The following XPO5 variants were observed in gnomAD, a reference collection of about 807,000 sequenced individuals.
XPO5 encodes the protein exportin 5, also known as exportin-5.
Under a neutral mutation model 160.6 loss-of-function variants are expected in XPO5, and 46 were observed. The observed-to-expected ratio is 0.29, with a 90% confidence interval of 0.23 to 0.37. XPO5 has a LOEUF of 0.37. XPO5 is among the 10% of genes least tolerant of loss of function. XPO5 has a pLI of 1.00. For missense variants in XPO5, 1,090 were observed against 1,463.9 expected, an observed-to-expected ratio of 0.74 and a Z score of 4.17; for synonymous variants, 537 against 519.3, an observed-to-expected ratio of 1.03 and a Z score of -0.46.
At chr6:43,567,573 T>C (rs1762758797) in intron 6 of XPO5, among the ~76,000 whole-genome samples, 1 of 152,136 alleles carries the variant, frequency 6.6e-6, no homozygotes, top group African/African-American at 2.4e-5. Flanking sequence ...ATTTTATCTT[T>C]TTCACAAAAC....
chr6:43,533,336 C>T (rs901955375), intron 21 of XPO5: 2 of 152,476 alleles, frequency 1.3e-5, no homozygotes, highest in African/African-American at 2.4e-5. Context: ...ATGGCTGTAA[C>T]ACCCACCACA....
At chr6:43,528,318 T>C in intron 24 of XPO5, 113 bp from the exon 25 acceptor site, 1 of 1,104,386 alleles carries the variant, frequency 9.1e-7, no homozygotes, top group Non-Finnish European at 1.3e-6. Context: ...ATTCTAGGCA[T>C]CAATGACAAC....
chr6:43,532,962 T>C (rs551753065), intron 21 of XPO5, among the ~76,000 whole-genome samples: 46 of 152,034 alleles, frequency 3.0e-4, no homozygotes, highest in Non-Finnish European at 6.2e-4. Flanking sequence ...CTAGCCAACA[T>C]GGTGAAACCC....
chr6:43,570,100 C>G (rs1291615490), intron 5 of XPO5, among the ~76,000 whole-genome samples: 1 of 142,220 alleles, frequency 7.0e-6, no homozygotes, highest in African/African-American at 2.6e-5. Context: ...ATCATGAGGT[C>G]AGGAGATCAA....
intron 20 of XPO5, 41 bp downstream of exon 20, chr6:43,546,530 A>G: frequency 1.3e-6 from 2 of 1,562,160 alleles, no homozygotes; most frequent in Non-Finnish European, 1.7e-6. Context: ...TTTTTAAGGT[A>G]AAGTAGAAAA....
In XPO5 at chr6:43,555,855, A is replaced by G. The variant is rs1182962166; in HGVS notation, c.1422T>C (p.Leu474=). The change falls in exon 13 of 32, where the codon CTT becomes CTC. Residue 474 remains leucine, a synonymous_variant. Transcript: ENST00000265351. The part of the protein sequence containing the change: ...EWLKYQLSTF[L]DAGSVNSCSA... Reference sequence around the variant, plus strand: ...ACTTACAATTCACAGAACCAGCATCAAGAAAAGTTGATAGTTGATACTTTA... The same window carrying G: ...ACTTACAATTCACAGAACCAGCATCGAGAAAAGTTGATAGTTGATACTTTA... The G allele has an allele frequency of 1.2e-6, 2 of 1,613,832 alleles. No homozygotes were observed. Among genetic ancestry groups the G allele is most frequent in the African/African-American group, 2.7e-5 (2 of 74,924 alleles).
At chr6:43,538,756 GA>G (rs1794505534) in intron 20 of XPO5, 3 of 582,570 alleles carry the variant, frequency 5.1e-6, no homozygotes, top group Non-Finnish European at 8.7e-6. Context: ...ATGAGTTATG[GA>G]GCACTACATT....
chr6:43,562,402 A>G, intron 8 of XPO5, 56 bp from the exon 9 acceptor site: 1 of 1,280,084 alleles, frequency 7.8e-7, no homozygotes, highest in South Asian at 1.3e-5. Flanking sequence ...TGTAATAAAA[A>G]CATCACTTTG....
chr6:43,554,106 TTTTC>T (rs796924476), intron 13 of XPO5, among the ~76,000 whole-genome samples: 11 of 152,178 alleles, frequency 7.2e-5, no homozygotes, highest in African/African-American at 2.6e-4. Context: ...TACCAACTGC[TTTTC>T]TTTTTTTGTT....
In XPO5 at chr6:43,575,541, G is replaced by A. The variant is rs112719832; in HGVS notation, c.105+219C>T. 0.033 allele frequency among the ~76,000 whole-genome samples: 4,996 copies of A among 152,304 alleles called. 266 individuals carry two copies. Among genetic ancestry groups the A allele is most frequent in the African/African-American group, 0.11 (4,622 of 41,544 alleles). On this transcript the variant is annotated intron_variant, in intron 1 of 31. Coordinates refer to ENST00000265351, the MANE Select transcript of XPO5 (RefSeq NM_020750.3). ...CTGCGGCGAGATGAGAAGCAGCATA[G>A]GGACCGGAGTGTCCCAGGCAAAGGA...
intron 26 of XPO5, chr6:43,527,374 C>T (rs559543399): frequency 7.1e-5 from 21 of 296,332 alleles, no homozygotes; most frequent in East Asian, 3.9e-4. Flanking sequence ...CGGGTTCAAG[C>T]GATTCTCCTA....
chr6:43,526,520 G>A (rs1278176685), intron 27 of XPO5, 165 bp downstream of exon 27: 2 of 703,992 alleles, frequency 2.8e-6, no homozygotes, highest in Admixed American at 4.5e-5. Context: ...AAGGCTTGGA[G>A]GTGGGAGTAT....
chr6:43,524,756 A>G (rs191967658), intron 30 of XPO5, 75 bp downstream of exon 30: 2 of 1,592,870 alleles, frequency 1.3e-6, no homozygotes, highest in East Asian at 4.5e-5. Flanking sequence ...TGAATTTAGG[A>G]TAAGGCCCAA....
intron 5 of XPO5, among the ~76,000 whole-genome samples, 177 bp downstream of exon 5, chr6:43,570,311 CAAAAAAAAAAAAAA>C (rs70990200): frequency 1.8e-3 from 137 of 77,196 alleles, no homozygotes; most frequent in African/African-American, 5.8e-3. Flanking sequence ...GCCTCCGTCT[CAAAAAAAAAAAAAA>C]AAAAAAAAGA....
rs369463612 is a variant in XPO5, at chr6:43,551,638, C to T, written c.1573-185G>A. 3.2e-4 allele frequency among the ~76,000 whole-genome samples: 49 copies of T among 152,300 alleles called. No individual in the cohort carries two copies. The South Asian group carries it at 9.3e-3, about 29-fold the overall frequency. ...CTCTTGAGCTCAAGGGATCCTCCTG[C>T]CTTAGCCTCCTGAGTAGCTAGGACT... On this transcript the variant is annotated intron_variant, in intron 14 of 31. Coordinates refer to ENST00000265351, the MANE Select transcript of XPO5 (RefSeq NM_020750.3).
chr6:43,533,826 G>T, intron 21 of XPO5, 81 bp downstream of exon 21: 1 of 1,055,796 alleles, frequency 9.5e-7, no homozygotes, highest in Non-Finnish European at 1.4e-6. Flanking sequence ...CAGAGACTAT[G>T]ACTCTTAAAA....
chr6:43,528,518 A>G (rs1166889476), intron 24 of XPO5, among the ~76,000 whole-genome samples: 4 of 152,136 alleles, frequency 2.6e-5, no homozygotes, highest in African/African-American at 7.2e-5. Flanking sequence ...ATTCTAGAGT[A>G]AGGATAACAG....
intron 5 of XPO5, among the ~76,000 whole-genome samples, chr6:43,569,903 C>A (rs960225696): frequency 6.6e-6 from 1 of 150,492 alleles, no homozygotes; most frequent in African/African-American, 2.5e-5. Context: ...GCTAACACAG[C>A]GAAACTCCAT....
chr6:43,536,352 T>C (rs984273408), intron 20 of XPO5, among the ~76,000 whole-genome samples: 2 of 151,512 alleles, frequency 1.3e-5, no homozygotes, highest in South Asian at 2.1e-4. Context: ...GAGGCGGAAA[T>C]TGCAGTGAGC....
Sources: gnomAD v4.1 joint callset for allele counts (sites outside exome capture counted in the v4.1 genomes callset) on GRCh38, gnomAD v4.1.1 for gene constraint, MANE v1.5 for transcripts, NCBI Gene and HGNC (gene_info 2026-07-23, HGNC 2026-07-21) for gene names.